Variants in XDH observed in about 807,000 individuals in gnomAD.
XDH encodes the protein xanthine dehydrogenase/oxidase.
In XDH, 138 loss-of-function variants were observed where a neutral mutation model predicts 156.1. The observed-to-expected ratio is 0.88, with a 90% CI of 0.77 to 1.02. The LOEUF (loss-of-function observed/expected upper bound fraction) is 1.02. XDH is among the 50% of genes least tolerant of loss of function. The pLI is 0.00. For missense variants in XDH, 1,849 were observed against 1,684.9 expected, an observed-to-expected ratio of 1.10 and a Z score of -1.71; for synonymous variants, 669 against 625.7, an observed-to-expected ratio of 1.07 and a Z score of -1.03.
At chr2:31,364,876 G>T (rs987314750) in intron 23 of XDH, among the ~76,000 whole-genome samples, 4 of 152,182 alleles carry the variant, frequency 2.6e-5, no homozygotes, top group African/African-American at 9.7e-5. Flanking sequence ...AATTCATGGA[G>T]AGAGGGCTCT....
chr2:31,410,535 G>A (rs1190523289), intron 1 of XDH, among the ~76,000 whole-genome samples: 1 of 152,068 alleles, frequency 6.6e-6, no homozygotes, highest in Non-Finnish European at 1.5e-5. Flanking sequence ...TTACCTTACA[G>A]TGAAGAAACG....
chr2:31,336,118 C>T (rs1684965698), intron 35 of XDH, 110 bp from the exon 36 acceptor site: 3 of 1,144,884 alleles, frequency 2.6e-6, no homozygotes, highest in Admixed American at 1.7e-5. Flanking sequence ...CAAGGCCAAG[C>T]ACCACTCTGC....
chr2:31,370,019 A>G (rs545980454), intron 18 of XDH, among the ~76,000 whole-genome samples: 11 of 152,256 alleles, frequency 7.2e-5, no homozygotes, highest in Non-Finnish European at 1.6e-4. Flanking sequence ...TGTGATTTCT[A>G]GTTAGTGTAC....
chr2:31,351,264 C>T (rs1454217171), intron 24 of XDH, among the ~76,000 whole-genome samples: 1 of 152,084 alleles, frequency 6.6e-6, no homozygotes, highest in Non-Finnish European at 1.5e-5. Flanking sequence ...ATATTTTTTT[C>T]ACCCTGGAGT....
rs1686268355 is a variant in XDH, at chr2:31,377,193, A to T, written c.1287T>A (p.Asp429Glu). The T allele has an allele frequency of 5.6e-6, 9 of 1,614,130 alleles. No individual in the cohort carries two copies. The highest frequency in any genetic ancestry group is 6.8e-6 in the Non-Finnish European group (8 of 1,180,026). ...SAFKQASRRE[D>E]DIAKVTSGMR... ...TGCCACTGGTTACCTTGGCAATGTC[A>T]TCTTCTCTCCGGGAGGCCTGCTTGA... Residue 429 changes from aspartate to glutamate, a missense_variant, in exon 14 of 36, where the codon GAT becomes GAA. Physicochemically the swap from Asp to Glu is conservative, Grantham distance 45 (BLOSUM62 2). Coordinates refer to ENST00000379416, the MANE Select transcript of XDH (RefSeq NM_000379.4).
intron 27 of XDH, among the ~76,000 whole-genome samples, chr2:31,348,679 A>C (rs150940778): frequency 2.3e-3 from 357 of 152,368 alleles, no homozygotes; most frequent in Non-Finnish European, 3.7e-3. Context: ...AGTTAAGGAA[A>C]GGTAAGAACT....
chr2:31,393,345 T>A (rs1381798637), intron 6 of XDH, among the ~76,000 whole-genome samples: 1 of 152,248 alleles, frequency 6.6e-6, no homozygotes, highest in African/African-American at 2.4e-5. Context: ...GACTGTTATA[T>A]CTTCTTGGAG....
At chr2:31,410,060 A>T (rs1687299247) in intron 1 of XDH, among the ~76,000 whole-genome samples, 1 of 152,224 alleles carries the variant, frequency 6.6e-6, no homozygotes, top group African/African-American at 2.4e-5. Flanking sequence ...TCAACCTGAG[A>T]AAGGAAGGAA....
rs1685429591 is a variant in XDH at position 31,350,188 on chromosome 2, G to C, written c.2667C>G (p.Cys889Trp). 6 of 1,614,026 alleles carry C rather than the reference G, an allele frequency of 3.7e-6. No individual in the cohort carries two copies. Among genetic ancestry groups the C allele is most frequent in the Non-Finnish European group, 4.2e-6 (5 of 1,180,044 alleles). Residue 889 changes from cysteine (C) to tryptophan (W), a missense_variant, in exon 25 of 36, where the codon TGC becomes TGG. Cys to Trp is a radical substitution (Grantham distance 215). Coordinates refer to ENST00000379416, the MANE Select transcript of XDH (RefSeq NM_000379.4). ...MERALFHMDN[C>W]YKIPNIRGTG... ...TGCCCCGGATGTTGGGGATTTTATA[G>C]CAGTTGTCCATGTGGAATAAAGCTC... is the stretch of plus-strand genomic sequence containing the variant.
rs940131970 is a variant in XDH at position 31,335,693 on chromosome 2, T to C, written c.*265A>G. 4 of 573,370 alleles carry C rather than the reference T, an allele frequency of 7.0e-6. No homozygotes were observed. The highest frequency in any genetic ancestry group is 1.3e-5 in the Non-Finnish European group (4 of 319,696). 35.5% of individuals were successfully genotyped at this position (573,370 alleles called of 1,614,324 possible). A position where few individuals can be genotyped will look rare whatever the true frequency, so the allele number is the denominator to read the frequency against. On this transcript the variant is annotated 3_prime_UTR_variant, in exon 36 of 36. Coordinates refer to ENST00000379416, the MANE Select transcript of XDH (RefSeq NM_000379.4). ...AAACCCTTCCCGACCCTATTCCAGA[T>C]ACATGATTAAAACAGACAGAAAATG...
rs1447730897 is a variant in XDH, at chr2:31,370,425, G to C, written c.1910C>G (p.Ser637Cys). The C allele has an allele frequency of 3.1e-6, 5 of 1,614,016 alleles. No individual in the cohort carries two copies. ...GTTACTCCCAGGAACATCATCAGCG[G>C]AAATGAAACAAACAAACCCTGGAAC... ...KKVPGFVCFISADDVPGSNIT... is the reference protein window; with the variant it reads ...KKVPGFVCFICADDVPGSNIT... The change falls in exon 18 of 36, where the codon TCC becomes TGC. Residue 637 changes from serine to cysteine, a missense_variant. Coordinates refer to ENST00000379416, the MANE Select transcript of XDH (RefSeq NM_000379.4).
At chr2:31,390,690 G>A (rs1036859230) in intron 6 of XDH, among the ~76,000 whole-genome samples, 16 of 152,144 alleles carry the variant, frequency 1.1e-4, no homozygotes, top group Non-Finnish European at 8.8e-5. Flanking sequence ...CAGTGTTTTG[G>A]ATTTGACCAT....
intron 1 of XDH, among the ~76,000 whole-genome samples, chr2:31,414,138 C>A (rs1386883317): frequency 6.6e-6 from 1 of 151,952 alleles, no homozygotes; most frequent in Non-Finnish European, 1.5e-5. Context: ...GGCTGTTAAA[C>A]CTATATATAT....
At chr2:31,400,679 G>A (rs983412719) in intron 4 of XDH, among the ~76,000 whole-genome samples, 14 of 152,204 alleles carry the variant, frequency 9.2e-5, no homozygotes, top group African/African-American at 3.4e-4. Context: ...AGAAAGCCTT[G>A]CTCAGGCACT....
Position 31,355,129 on chromosome 2 carries a change from T to C in XDH, c.2632-4906A>G, listed in dbSNP as rs184014347. On this transcript the variant is annotated intron_variant, in intron 24 of 35. Coordinates refer to ENST00000379416, the MANE Select transcript of XDH (RefSeq NM_000379.4). The stretch of plus-strand genomic sequence containing the variant: ...CATAGAGACCAGAACGAAGTGGCAG[T>C]TTTTCAGGTGCTGAAAGAAACGAAC... 1.1e-3 allele frequency among the ~76,000 whole-genome samples: 164 copies of C among 152,206 alleles called. 1 individual carries two copies. The East Asian group carries it at 0.028, about 26-fold the overall frequency.
intron 1 of XDH, among the ~76,000 whole-genome samples, chr2:31,409,756 G>A (rs1421127033): frequency 6.6e-6 from 1 of 152,162 alleles, no homozygotes; most frequent in South Asian, 2.1e-4. Flanking sequence ...TTGCAAGGAC[G>A]TGGAGAAACT....
At chr2:31,403,282 GC>G in intron 2 of XDH, 138 bp from the exon 3 acceptor site, 1 of 857,814 alleles carries the variant, frequency 1.2e-6, no homozygotes, top group Non-Finnish European at 1.8e-6. Context: ...AAGGCAGCAG[GC>G]CCACTGGCCT....
intron 22 of XDH, among the ~76,000 whole-genome samples, 175 bp downstream of exon 22, chr2:31,365,801 A>G (rs1266992132): frequency 6.6e-6 from 1 of 152,204 alleles, no homozygotes; most frequent in Non-Finnish European, 1.5e-5. Context: ...ACCACAACGG[A>G]ACAGGCGATG....
intron 35 of XDH, among the ~76,000 whole-genome samples, chr2:31,337,094 C>T (rs1414287869): frequency 6.6e-6 from 1 of 152,052 alleles, no homozygotes; most frequent in Admixed American, 6.5e-5. Context: ...ACCTCCAAGG[C>T]AGTAATCAAT....
Sources: allele counts gnomAD v4.1 joint callset (sites outside exome capture counted in the v4.1 genomes callset), GRCh38; gene constraint gnomAD v4.1.1; transcripts MANE v1.5; gene names NCBI Gene and HGNC (gene_info 2026-07-23, HGNC 2026-07-21).